ITGA1: variants seen among roughly 807,000 people sequenced by gnomAD.
ITGA1 encodes integrin subunit alpha 1.
A neutral mutation model predicts 145.9 loss-of-function variants in ITGA1; 85 were observed. The observed-to-expected ratio is 0.58, with a 90% CI of 0.49 to 0.70. The LOEUF (loss-of-function observed/expected upper bound fraction) is 0.70. Among genes scored for constraint, ITGA1 ranks in the 30% least tolerant of loss-of-function variants. The pLI is 0.00. For missense variants in ITGA1, 1,351 were observed against 1,418.7 expected, an observed-to-expected ratio of 0.95 and a Z score of 0.77; for synonymous variants, 520 against 495.3, an observed-to-expected ratio of 1.05 and a Z score of -0.66.
chr5:52,799,644 CAGT>C (rs1748414175), intron 1 of ITGA1, among the ~76,000 whole-genome samples: 1 of 152,190 alleles, frequency 6.6e-6, no homozygotes, highest in Non-Finnish European at 1.5e-5. Context: ...AGAACGTGAC[CAGT>C]AGTTCTCAGA....
chr5:52,788,852 A>G (rs557689800), intron 1 of ITGA1, among the ~76,000 whole-genome samples: 1 of 150,240 alleles, frequency 6.7e-6, no homozygotes, highest in Non-Finnish European at 1.5e-5. Context: ...ACATTATTGA[A>G]TTTTCTTGCT....
At chr5:52,857,341 C>G (rs1175444042) in intron 2 of ITGA1, among the ~76,000 whole-genome samples, 1 of 152,094 alleles carries the variant, frequency 6.6e-6, no homozygotes, top group Non-Finnish European at 1.5e-5. Flanking sequence ...CTCAGAGATT[C>G]TACTCCCTCT....
intron 1 of ITGA1, among the ~76,000 whole-genome samples, 175 bp downstream of exon 1, chr5:52,788,589 T>C (rs1286854798): frequency 6.6e-6 from 1 of 152,180 alleles, no homozygotes; most frequent in Non-Finnish European, 1.5e-5. Flanking sequence ...CGTTCTGGTT[T>C]TGATATGAAT....
chr5:52,814,302 T>TC (rs1227987082), intron 1 of ITGA1, among the ~76,000 whole-genome samples: 1 of 152,062 alleles, frequency 6.6e-6, no homozygotes, highest in Non-Finnish European at 1.5e-5. Flanking sequence ...ATGCAACCCC[T>TC]CACCCAGCTA....
intron 1 of ITGA1, among the ~76,000 whole-genome samples, chr5:52,822,715 A>G (rs1265308660): frequency 6.6e-6 from 1 of 152,224 alleles, no homozygotes; most frequent in Non-Finnish European, 1.5e-5. Flanking sequence ...AAGGCCTATT[A>G]CTTCTAATCT....
chr5:52,891,667 TA>T (rs1002999295), intron 8 of ITGA1, among the ~76,000 whole-genome samples: 77 of 140,492 alleles, frequency 5.5e-4, no homozygotes, highest in African/African-American at 1.6e-3. Context: ...TATAAAGTTT[TA>T]AAAAAAATAT....
chr5:52,865,776 G>T lies in ITGA1; in HGVS notation c.583G>T (p.Asp195Tyr). 1.2e-6 allele frequency: 2 copies of T among 1,603,512 alleles called. No individual in the cohort carries two copies. The highest frequency in any genetic ancestry group is 1.7e-6 in the Non-Finnish European group (2 of 1,175,832). ...GGACAGTGTTACAGCTTTTTTAAAT[G>T]ACCTTCTTGAAAGAATGGATATTGG... ...PWDSVTAFLN[D>Y]LLERMDIGPK... The change falls in exon 6 of 29, where the codon GAC (aspartate) becomes TAC (tyrosine). Residue 195 changes from aspartate to tyrosine, a missense_variant. Asp to Tyr is a radical substitution (Grantham distance 160, BLOSUM62 -3). Transcript: ENST00000282588.
intron 26 of ITGA1, among the ~76,000 whole-genome samples, chr5:52,943,099 G>A (rs1263832105): frequency 6.6e-6 from 1 of 152,166 alleles, no homozygotes; most frequent in Non-Finnish European, 1.5e-5. Context: ...CTAGGACTTA[G>A]AGTACTAGGT....
chr5:52,893,938 T>A lies in ITGA1; in HGVS notation c.1090+98T>A, dbSNP rs561938883. 2.4e-4 allele frequency: 211 copies of A among 888,576 alleles called. 1 individual carries two copies. In the South Asian group the frequency reaches 3.7e-3, roughly 16 times the overall value. 55.0% of individuals were successfully genotyped at this position (888,576 alleles called of 1,614,324 possible). The stretch of plus-strand genomic sequence containing the variant: ...ATTCCTAATACATCAGTAATACTTT[T>A]TTTTTTTTTTTACTGTGTACAATAT... On this transcript the variant is annotated intron_variant, in intron 9 of 28. Coordinates refer to ENST00000282588, the MANE Select transcript of ITGA1 (RefSeq NM_181501.2).
intron 2 of ITGA1, among the ~76,000 whole-genome samples, chr5:52,850,480 C>T (rs1213988046): frequency 6.6e-6 from 1 of 152,102 alleles, no homozygotes; most frequent in East Asian, 1.9e-4. Flanking sequence ...AACAAGCCTA[C>T]ATTTTTAGTA....
intron 6 of ITGA1, among the ~76,000 whole-genome samples, chr5:52,872,614 T>C (rs1162144346): frequency 7.7e-6 from 1 of 129,428 alleles, no homozygotes; most frequent in Admixed American, 8.9e-5. Context: ...GAGATGGAGT[T>C]TTGCTCCGAT....
intron 23 of ITGA1, among the ~76,000 whole-genome samples, chr5:52,934,825 TA>T (rs1440311342): frequency 1.3e-5 from 2 of 151,910 alleles, no homozygotes; most frequent in Non-Finnish European, 2.9e-5. Flanking sequence ...TCATAGAGTA[TA>T]AATAAACGTA....
intron 2 of ITGA1, among the ~76,000 whole-genome samples, chr5:52,859,246 C>T (rs779898045): frequency 6.6e-6 from 1 of 152,102 alleles, no homozygotes; most frequent in Non-Finnish European, 1.5e-5. Context: ...TCCTACCATA[C>T]AATGAATGTA....
intron 1 of ITGA1, among the ~76,000 whole-genome samples, chr5:52,789,410 T>C (rs1385876193): frequency 6.6e-6 from 1 of 152,206 alleles, no homozygotes; most frequent in East Asian, 1.9e-4. Flanking sequence ...TTTAGCATTT[T>C]TACCACTAAA....
Position 52,934,016 on chromosome 5 carries a change from A to C in ITGA1, c.2964+20A>C. 9.5e-7 allele frequency: 1 copy of C among 1,056,382 alleles called. No individual in the cohort carries two copies. Among genetic ancestry groups the C allele is most frequent in the Non-Finnish European group, 1.4e-6 (1 of 734,980 alleles). 65.4% of individuals were successfully genotyped at this position (1,056,382 alleles called of 1,614,324 possible). ...TACTTGGTAAGAAATTACCTCTAAAATAGTATTCTAAAGGAGTTATTTGTA... is the reference window on the plus strand; with the variant it reads ...TACTTGGTAAGAAATTACCTCTAAACTAGTATTCTAAAGGAGTTATTTGTA... On this transcript the variant is annotated intron_variant, in intron 23 of 28. Transcript: ENST00000282588.
intron 1 of ITGA1, among the ~76,000 whole-genome samples, chr5:52,791,586 C>G (rs1748241998): frequency 6.6e-6 from 1 of 152,160 alleles, no homozygotes. Context: ...GCAAGACAAT[C>G]AATAACAGAA....
chr5:52,887,936 G>C lies in ITGA1; in HGVS notation c.895G>C (p.Asp299His). The C allele has an allele frequency of 6.2e-7, 1 of 1,613,632 alleles. No individual in the cohort carries two copies. The highest frequency in any genetic ancestry group is 8.5e-7 in the Non-Finnish European group (1 of 1,179,674). Residue 299 changes from aspartate (D) to histidine (H), a missense_variant, in exon 8 of 29, where the codon GAT (aspartate) becomes CAT (histidine). Coordinates refer to ENST00000282588, the MANE Select transcript of ITGA1 (RefSeq NM_181501.2). ...GAAGAAGGTCATCCAAGACTGTGAA[G>C]ATGAAAACATTCAACGGTTTTCCAT... ...RLKKVIQDCE[D>H]ENIQRFSIAI...
intron 7 of ITGA1, among the ~76,000 whole-genome samples, chr5:52,886,194 C>CA (rs567097993): frequency 1.4e-3 from 208 of 152,200 alleles, no homozygotes; most frequent in African/African-American, 4.8e-3. Flanking sequence ...GGGTCTTTGT[C>CA]AAGTATAGAG....
Position 52,929,697 on chromosome 5 carries a change from A to G in ITGA1, c.2767A>G (p.Thr923Ala), listed in dbSNP as rs747603163. ...MENVTIYLSA[T>A]SDSEEPPETL... ...AAATGTGACCATTTATTTAAGTGCA[A>G]CAAGGTTGGTTTACATGTGTATAAA... The change falls in exon 21 of 29, where the codon ACA becomes GCA. Residue 923 changes from threonine to alanine, a missense_variant. Thr to Ala is a moderately conservative substitution (Grantham distance 58, BLOSUM62 0). Transcript: ENST00000282588. 1 of 1,573,914 alleles carries G rather than the reference A, an allele frequency of 6.4e-7. No individual in the cohort carries two copies.
Sources: gnomAD v4.1 joint callset for allele counts (sites outside exome capture counted in the v4.1 genomes callset) on GRCh38, gnomAD v4.1.1 for gene constraint, MANE v1.5 for transcripts, NCBI Gene and HGNC (gene_info 2026-07-23, HGNC 2026-07-21) for gene names.